FHIT: variants seen among roughly 807,000 people sequenced by gnomAD.
FHIT encodes bis(5'-adenosyl)-triphosphatase.
Under a neutral mutation model 17.9 loss-of-function variants are expected in FHIT, and 19 were observed. The ratio of observed to expected loss-of-function variants is 1.06; its 90% CI spans 0.74 to 1.56. The LOEUF (loss-of-function observed/expected upper bound fraction) is 1.56. Ranked by LOEUF, FHIT falls within the 40% of genes most tolerant of loss-of-function variation. The pLI is 0.00. For missense variants in FHIT, 248 were observed against 189.2 expected, an observed-to-expected ratio of 1.31 and a Z score of -1.82; for synonymous variants, 81 against 69.7, an observed-to-expected ratio of 1.16 and a Z score of -0.81.
intron 5 of FHIT, among the ~76,000 whole-genome samples, chr3:60,358,021 G>C (rs185950322): frequency 3.9e-5 from 6 of 152,248 alleles, no homozygotes; most frequent in Admixed American, 2.6e-4. Flanking sequence ...CAAACCTCTG[G>C]AATCAAAACT....
At chr3:59,813,305 C>T (rs1559628477) in intron 8 of FHIT, among the ~76,000 whole-genome samples, 1 of 152,102 alleles carries the variant, frequency 6.6e-6, no homozygotes, top group Non-Finnish European at 1.5e-5. Flanking sequence ...CTCTGCATCC[C>T]AGGCCTGCAC....
chr3:60,696,832 T>C (rs1180513205), intron 4 of FHIT, among the ~76,000 whole-genome samples: 3 of 152,182 alleles, frequency 2.0e-5, no homozygotes, highest in African/African-American at 4.8e-5. Context: ...ACTCCACTGA[T>C]ATCAACACAA....
At chr3:60,027,148 C>A (rs77921679) in intron 5 of FHIT, among the ~76,000 whole-genome samples, 49,422 of 124,452 alleles carry the variant, frequency 0.4, 9,830 homozygotes, top group East Asian at 0.61. Flanking sequence ...CACACACACA[C>A]AAAATTAGTA....
rs371739362 is a variant in FHIT at position 60,025,189 on chromosome 3, G to C, written c.104-11037C>G. Among the ~76,000 whole-genome samples, 7 of 152,280 alleles carry C rather than the reference G, an allele frequency of 4.6e-5. No homozygotes were observed. The South Asian group carries it at 1.5e-3, about 32-fold the overall frequency. ...GAGACTTTTCTTTCTTGAATTTATA[G>C]AATTCTCCAGAAATAACTAGAGCAG... On this transcript the variant is annotated intron_variant, in intron 5 of 9. Transcript: ENST00000492590.
chr3:61,030,500 A>G (rs2032959026), intron 3 of FHIT, among the ~76,000 whole-genome samples: 1 of 152,248 alleles, frequency 6.6e-6, no homozygotes, highest in South Asian at 2.1e-4. Flanking sequence ...CTCAATTAGC[A>G]CATGTGGCTA....
intron 3 of FHIT, among the ~76,000 whole-genome samples, chr3:60,909,686 G>A (rs1196385674): frequency 6.6e-6 from 1 of 152,148 alleles, no homozygotes; most frequent in Non-Finnish European, 1.5e-5. Flanking sequence ...ATTTCCCAGA[G>A]GGCTTCTATG....
chr3:60,524,429 A>T (rs2035497481), intron 5 of FHIT, among the ~76,000 whole-genome samples: 1 of 152,184 alleles, frequency 6.6e-6, no homozygotes, highest in Admixed American at 6.5e-5. Flanking sequence ...TCCACGAAGA[A>T]TAAACAGCTG....
chr3:60,086,326 T>C (rs1703492128), intron 5 of FHIT, among the ~76,000 whole-genome samples: 1 of 152,284 alleles, frequency 6.6e-6, no homozygotes, highest in East Asian at 1.9e-4. Context: ...AGTTTCAACA[T>C]GTGGTTTTGA....
At chr3:60,978,130 T>C (rs905036595) in intron 3 of FHIT, among the ~76,000 whole-genome samples, 1 of 152,220 alleles carries the variant, frequency 6.6e-6, no homozygotes, top group African/African-American at 2.4e-5. Flanking sequence ...AGTTAACACC[T>C]GGGCAATCAT....
chr3:60,185,710 C>T (rs550397145), intron 5 of FHIT, among the ~76,000 whole-genome samples: 12 of 152,248 alleles, frequency 7.9e-5, no homozygotes, highest in South Asian at 4.1e-4. Flanking sequence ...TCTTTCAAAG[C>T]GCCTGTGCTA....
intron 8 of FHIT, among the ~76,000 whole-genome samples, chr3:59,916,695 A>G (rs762264150): frequency 2.0e-4 from 30 of 152,318 alleles, no homozygotes; most frequent in Non-Finnish European, 2.8e-4. Flanking sequence ...CAGCTTTCTC[A>G]TTACTAAAAT....
intron 4 of FHIT, among the ~76,000 whole-genome samples, chr3:60,539,482 A>G (rs1371887250): frequency 6.6e-6 from 1 of 152,232 alleles, no homozygotes; most frequent in Non-Finnish European, 1.5e-5. Flanking sequence ...TGCTATAAAG[A>G]CACATGCACA....
At chr3:60,859,723 A>ATTTTTGTTTTTTTT (rs1703547691) in intron 3 of FHIT, among the ~76,000 whole-genome samples, 1 of 51,886 alleles carries the variant, frequency 1.9e-5, no homozygotes, top group Non-Finnish European at 3.4e-5. Flanking sequence ...TCTGAATACG[A>ATTTTTGTTTTTTTT]TTTTTTTTTT....
At chr3:59,983,819 C>A (rs1275947968) in intron 7 of FHIT, among the ~76,000 whole-genome samples, 1 of 152,046 alleles carries the variant, frequency 6.6e-6, no homozygotes. Context: ...AGACAGGGAC[C>A]TGATTTGGTC....
intron 5 of FHIT, among the ~76,000 whole-genome samples, chr3:60,132,707 CCT>C (rs1164979589): frequency 6.6e-6 from 1 of 152,002 alleles, no homozygotes; most frequent in Non-Finnish European, 1.5e-5. Context: ...TACATTTTCC[CCT>C]GATTGTCTCT....
chr3:60,609,879 A>G (rs1160065479), intron 4 of FHIT, among the ~76,000 whole-genome samples: 1 of 152,202 alleles, frequency 6.6e-6, no homozygotes, highest in Non-Finnish European at 1.5e-5. Context: ...TGCATAAAAT[A>G]AAGTTTATTA....
chr3:60,276,968 AC>A (rs1707172482), intron 5 of FHIT, among the ~76,000 whole-genome samples: 1 of 152,058 alleles, frequency 6.6e-6, no homozygotes. Flanking sequence ...CCACCAGGCC[AC>A]TCAACCAACA....
chr3:60,652,239 GAGGCCAAGCACCAGCTTCA>G (rs1475506091), intron 4 of FHIT, among the ~76,000 whole-genome samples: 2 of 152,204 alleles, frequency 1.3e-5, no homozygotes, highest in Non-Finnish European at 2.9e-5. Context: ...GGACTAGCCT[GAGGCCAAGCACCAGCTTCA>G]AGGCAATAAA....
intron 8 of FHIT, among the ~76,000 whole-genome samples, chr3:59,781,449 G>C (rs1003189012): frequency 6.6e-6 from 1 of 152,122 alleles, no homozygotes; most frequent in Non-Finnish European, 1.5e-5. Flanking sequence ...TCACCTTTAA[G>C]CAACTCCTAA....
Sources: allele counts gnomAD v4.1 joint callset (sites outside exome capture counted in the v4.1 genomes callset), GRCh38; gene constraint gnomAD v4.1.1; transcripts MANE v1.5; gene names NCBI Gene and HGNC (gene_info 2026-07-23, HGNC 2026-07-21).